The following PDE4B variants were observed in gnomAD, a reference collection of about 807,000 sequenced individuals.
The protein encoded by PDE4B is 3',5'-cyclic-AMP phosphodiesterase 4B.
A neutral mutation model predicts 82.2 loss-of-function variants in PDE4B; 20 were observed. That is an observed-to-expected ratio of 0.24 (90% CI 0.17 to 0.35). The LOEUF (loss-of-function observed/expected upper bound fraction) is 0.35. Ranked by LOEUF, PDE4B falls within the 10% of genes least tolerant of loss-of-function variation. PDE4B has a pLI of 1.00. For missense variants in PDE4B, 655 were observed against 907.2 expected (o/e 0.72, Z 3.57); for synonymous variants, 320 against 318.9 (o/e 1.00, Z -0.04).
chr1:65,940,116 C>T (rs777401398), intron 3 of PDE4B, among the ~76,000 whole-genome samples: 17 of 152,024 alleles, frequency 1.1e-4, no homozygotes, highest in African/African-American at 2.2e-4. Flanking sequence ...AAGTTTGCTA[C>T]GGAAGTCCTC....
intron 16 of PDE4B, among the ~76,000 whole-genome samples, chr1:66,370,150 C>CAAAAAAAAAA (rs752920376): frequency 2.8e-4 from 8 of 28,652 alleles, no homozygotes; most frequent in Non-Finnish European, 4.2e-4. Flanking sequence ...GACTCTATCT[C>CAAAAAAAAAA]AAAAAAAAAA....
intron 3 of PDE4B, among the ~76,000 whole-genome samples, chr1:66,142,666 T>C (rs1345654573): frequency 1.3e-5 from 2 of 152,206 alleles, no homozygotes; most frequent in Non-Finnish European, 2.9e-5. Flanking sequence ...ATAAAGTTGT[T>C]GTGTGTTACA....
chr1:65,926,509 G>A (rs1180104194), intron 3 of PDE4B, among the ~76,000 whole-genome samples: 3 of 152,076 alleles, frequency 2.0e-5, no homozygotes, highest in Non-Finnish European at 2.9e-5. Context: ...TTTTTCTCCC[G>A]AAGACACTAT....
intron 3 of PDE4B, among the ~76,000 whole-genome samples, chr1:66,018,783 C>T (rs1159184998): frequency 1.3e-5 from 2 of 152,218 alleles, no homozygotes; most frequent in East Asian, 3.9e-4. Flanking sequence ...TTTATCCAAC[C>T]ATTATCCTCT....
At chr1:66,332,940 A>AT (rs970034311) in intron 8 of PDE4B, among the ~76,000 whole-genome samples, 1 of 152,190 alleles carries the variant, frequency 6.6e-6, no homozygotes, top group Admixed American at 6.5e-5. Context: ...GTGCTTTAAA[A>AT]TTTTTTTACA....
chr1:66,306,619 T>C (rs924054300), intron 7 of PDE4B, among the ~76,000 whole-genome samples: 2 of 152,076 alleles, frequency 1.3e-5, no homozygotes, highest in African/African-American at 4.8e-5. Flanking sequence ...GATTGGTAGA[T>C]TGTAGGTGGA....
chr1:66,116,563 C>T (rs1393627883), intron 3 of PDE4B, among the ~76,000 whole-genome samples: 1 of 151,922 alleles, frequency 6.6e-6, no homozygotes, highest in Non-Finnish European at 1.5e-5. Context: ...GTATAAAGAC[C>T]CCCCCAGCCC....
Position 66,160,963 on chromosome 1 carries a change from A to G in PDE4B, c.282-86497A>G, listed in dbSNP as rs142707108. The stretch of plus-strand genomic sequence containing the variant: ...AACATCAGTATCTTATTATTTCCAG[A>G]TCAGACTCCTATCCTAAAAGACATG... On this transcript the variant is annotated intron_variant, in intron 3 of 16. Coordinates refer to ENST00000341517, the MANE Select transcript of PDE4B (RefSeq NM_002600.4). Among the ~76,000 whole-genome samples the G allele has an allele frequency of 2.0e-5, 3 of 152,342 alleles. No individual in the cohort carries two copies. The East Asian group carries it at 5.8e-4, about 29-fold the overall frequency.
chr1:66,369,966 G>A (rs150657441), intron 16 of PDE4B, among the ~76,000 whole-genome samples: 261 of 151,932 alleles, frequency 1.7e-3, no homozygotes, highest in African/African-American at 6.1e-3. Flanking sequence ...TGGCCAACAT[G>A]GTGAAACCCT....
At chr1:66,328,032 T>C (rs1487773224) in intron 7 of PDE4B, among the ~76,000 whole-genome samples, 1 of 152,248 alleles carries the variant, frequency 6.6e-6, no homozygotes, top group African/African-American at 2.4e-5. Flanking sequence ...ATCATCCTAC[T>C]TCCGTATCTA....
intron 3 of PDE4B, among the ~76,000 whole-genome samples, chr1:66,083,910 T>C (rs1248578894): frequency 6.6e-6 from 1 of 152,156 alleles, no homozygotes; most frequent in Admixed American, 6.6e-5. Flanking sequence ...TTCAGCTACA[T>C]TGTAGGTATA....
At chr1:66,180,645 T>C (rs940532154) in intron 3 of PDE4B, among the ~76,000 whole-genome samples, 1 of 152,190 alleles carries the variant, frequency 6.6e-6, no homozygotes. Flanking sequence ...AGGTAACAAC[T>C]TGGGCAGCTA....
At chr1:66,090,715 GTGTATA>G (rs1211551707) in intron 3 of PDE4B, among the ~76,000 whole-genome samples, 2 of 109,046 alleles carry the variant, frequency 1.8e-5, no homozygotes, top group South Asian at 3.2e-4. Flanking sequence ...ATATATGTGT[GTGTATA>G]TGTATATGTA....
At chr1:66,089,850 A>G (rs1237944522) in intron 3 of PDE4B, among the ~76,000 whole-genome samples, 1 of 152,044 alleles carries the variant, frequency 6.6e-6, no homozygotes, top group African/African-American at 2.4e-5. Context: ...TTATGCTATT[A>G]TAGAGTTATT....
chr1:66,259,134 A>T (rs1654485905), intron 6 of PDE4B, among the ~76,000 whole-genome samples: 1 of 150,718 alleles, frequency 6.6e-6, no homozygotes, highest in Non-Finnish European at 1.5e-5. Flanking sequence ...GTAGAACTCC[A>T]TTTATTTATT....
At chr1:65,809,312 C>T (rs868052243) in intron 1 of PDE4B, among the ~76,000 whole-genome samples, 10 of 107,280 alleles carry the variant, frequency 9.3e-5, no homozygotes, top group African/African-American at 3.8e-4. Flanking sequence ...GCCTGGGTGA[C>T]AGAGTGAGAC....
At position 65,962,602 on chromosome 1, in the gene PDE4B, T is replaced by C. The variant is rs141935169; in HGVS notation, c.281+43767T>C. Among the ~76,000 whole-genome samples the C allele has an allele frequency of 3.0e-3, 456 of 152,192 alleles. 1 individual carries two copies. Among genetic ancestry groups the C allele is most frequent in the Non-Finnish European group, 4.9e-3 (336 of 67,992 alleles). ...CAAATTTGGGTGGCTCAAGAGGTCATTGGGCCATGGGAAAGCTGATTAGGA... is the reference window on the plus strand; with the variant it reads ...CAAATTTGGGTGGCTCAAGAGGTCACTGGGCCATGGGAAAGCTGATTAGGA... On this transcript the variant is annotated intron_variant, in intron 3 of 16. Coordinates refer to ENST00000341517, the MANE Select transcript of PDE4B (RefSeq NM_002600.4).
intron 3 of PDE4B, among the ~76,000 whole-genome samples, chr1:65,956,380 CT>C (rs1013324863): frequency 3.3e-5 from 5 of 152,192 alleles, no homozygotes; most frequent in African/African-American, 1.2e-4. Flanking sequence ...CAATTATTTT[CT>C]TTTTCAAGCA....
chr1:65,980,145 T>C (rs1248399845), intron 3 of PDE4B, among the ~76,000 whole-genome samples: 1 of 152,142 alleles, frequency 6.6e-6, no homozygotes, highest in Non-Finnish European at 1.5e-5. Flanking sequence ...TTGTTGATAA[T>C]GATTATACAC....
Sources: allele counts gnomAD v4.1 joint callset (sites outside exome capture counted in the v4.1 genomes callset), GRCh38; gene constraint gnomAD v4.1.1; transcripts MANE v1.5; gene names NCBI Gene and HGNC (gene_info 2026-07-23, HGNC 2026-07-21).